The following SAA4 variants were observed in gnomAD, a reference collection of about 807,000 sequenced individuals.
SAA4 encodes serum amyloid A4, constitutive, also known as serum amyloid A-4 protein.
A neutral mutation model predicts 11.2 loss-of-function variants in SAA4; 8 were observed. That is an observed-to-expected ratio of 0.71 (90% confidence interval 0.42 to 1.29). The LOEUF (loss-of-function observed/expected upper bound fraction) is 1.29. Among genes scored for constraint, SAA4 ranks in the 50% most tolerant of loss-of-function variants. The probability of loss-of-function intolerance (pLI) is 0.01; values close to 1 mark genes in which losing one functional copy is unlikely to be tolerated. For missense variants in SAA4, 171 were observed against 164.2 expected, an observed-to-expected ratio of 1.04 and a Z score of -0.23; for synonymous variants, 60 against 56.2, an observed-to-expected ratio of 1.07 and a Z score of -0.30.
chr11:18,235,891 C>A lies in SAA4; in HGVS notation c.36G>T (p.Leu12Phe), dbSNP rs1564902245. 6.2e-7 allele frequency: 1 copy of A among 1,613,560 alleles called. No homozygotes were observed. The highest frequency in any genetic ancestry group is 8.5e-7 in the Non-Finnish European group (1 of 1,179,806). The change falls in exon 2 of 4, where the codon TTG becomes TTT. Residue 12 changes from leucine (L) to phenylalanine (F), a missense_variant. Coordinates refer to ENST00000278222, the MANE Select transcript of SAA4 (RefSeq NM_006512.4). ...AGCTTTCACTGGTGACTCCCATGAC[C>A]AAGGAGCAGAAAACAATGCCTGTGA... ...RLFTGIVFCS[L>F]VMGVTSESWR...
At chr11:18,234,607 GATAA>G (rs1253369891) in intron 2 of SAA4, among the ~76,000 whole-genome samples, 1 of 152,184 alleles carries the variant, frequency 6.6e-6, no homozygotes, top group African/African-American at 2.4e-5. Flanking sequence ...GAAAAGCTGT[GATAA>G]ATAGTTTTAA....
intron 3 of SAA4, 40 bp downstream of exon 3, chr11:18,232,355 C>T: frequency 6.2e-7 from 1 of 1,608,060 alleles, no homozygotes; most frequent in South Asian, 1.1e-5. Context: ...CAGATAGGCA[C>T]TGCTGGCCTC....
Position 18,235,894 on chromosome 11 carries a change from G to T in SAA4, c.33C>A (p.Ser11=). 5.6e-6 allele frequency: 9 copies of T among 1,613,458 alleles called. No homozygotes were observed. The highest frequency in any genetic ancestry group is 7.6e-6 in the Non-Finnish European group (9 of 1,179,732). The stretch of plus-strand genomic sequence containing the variant: ...TTTCACTGGTGACTCCCATGACCAA[G>T]GAGCAGAAAACAATGCCTGTGAAAA... The part of the protein sequence containing the change: MRLFTGIVFC[S]LVMGVTSESW... Residue 11 remains serine (S), a synonymous_variant, in exon 2 of 4, where the codon TCC becomes TCA. Coordinates refer to ENST00000278222, the MANE Select transcript of SAA4 (RefSeq NM_006512.4).
intron 2 of SAA4, among the ~76,000 whole-genome samples, chr11:18,233,600 C>T (rs1430300367): frequency 6.6e-6 from 1 of 152,030 alleles, no homozygotes; most frequent in Non-Finnish European, 1.5e-5. Flanking sequence ...CAGCCTTGAT[C>T]TCCTGGGCTC....
rs148647621 is a variant in SAA4, at chr11:18,232,870, G to A, written c.92-337C>T. ...AATTGAATTGGTTGGCAGTTGTCATGCCCTGGGCTACATCTTACATGGGTC... is the reference window on the plus strand; with the variant it reads ...AATTGAATTGGTTGGCAGTTGTCATACCCTGGGCTACATCTTACATGGGTC... On this transcript the variant is annotated intron_variant, in intron 2 of 3. Transcript: ENST00000278222. 8.2e-3 allele frequency among the ~76,000 whole-genome samples: 1,248 copies of A among 152,256 alleles called. 15 individuals carry two copies. Among genetic ancestry groups the A allele is most frequent in the African/African-American group, 0.028 (1,169 of 41,526 alleles).
In SAA4 at chr11:18,231,565, T is replaced by C; in HGVS notation, c.330A>G (p.Glu110=). The change falls in exon 4 of 4, where the codon GAA becomes GAG. Residue 110 remains glutamate, a synonymous_variant. Coordinates refer to ENST00000278222, the MANE Select transcript of SAA4 (RefSeq NM_006512.4). ...CGGGGTCTTTGCCACTCCGGCCCCA[T>C]TCCTCAGCTTTCTCGTTGGACTTCG... The part of the protein sequence containing the change: ...EDSKSNEKAE[E]WGRSGKDPDR... 2.5e-6 allele frequency: 4 copies of C among 1,614,168 alleles called. No homozygotes were observed. Among genetic ancestry groups the C allele is most frequent in the Middle Eastern group, 1.7e-4 (1 of 6,048 alleles).
intron 3 of SAA4, among the ~76,000 whole-genome samples, chr11:18,232,077 C>G (rs545653555): frequency 1.3e-5 from 2 of 152,010 alleles, no homozygotes; most frequent in East Asian, 3.9e-4. Flanking sequence ...AGATAAGAGT[C>G]TTGCTATGTT....
intron 2 of SAA4, among the ~76,000 whole-genome samples, chr11:18,232,893 G>A (rs1857157930): frequency 6.6e-6 from 1 of 152,198 alleles, no homozygotes; most frequent in Non-Finnish European, 1.5e-5. Context: ...TCTTACATGG[G>A]TCTGTGTGTA....
At position 18,234,196 on chromosome 11, in the gene SAA4, T is replaced by C. The variant is rs75731373; in HGVS notation, c.91+1640A>G. The stretch of plus-strand genomic sequence containing the variant: ...AGCCGGATACAAAAGACATATTCTG[T>C]ATGATTTCTTTTATTCAAAGATCAA... On this transcript the variant is annotated intron_variant, in intron 2 of 3. Transcript: ENST00000278222. Among the ~76,000 whole-genome samples, 1,263 of 152,306 alleles carry C rather than the reference T, an allele frequency of 8.3e-3. 16 individuals carry two copies. Among genetic ancestry groups the C allele is most frequent in the African/African-American group, 0.029 (1,186 of 41,562 alleles).
chr11:18,231,873 T>TC (rs1385378158), intron 3 of SAA4, among the ~76,000 whole-genome samples: 48 of 137,992 alleles, frequency 3.5e-4, no homozygotes, highest in African/African-American at 1.2e-3. Context: ...CAGAGTGCTT[T>TC]CCCTTTTTTT....
chr11:18,236,054 T>C, intron 1 of SAA4, 124 bp from the exon 2 acceptor site: 2 of 983,474 alleles, frequency 2.0e-6, no homozygotes, highest in South Asian at 3.6e-5. Flanking sequence ...CCTTCCTTTC[T>C]TTCTTTCCTC....
intron 3 of SAA4, among the ~76,000 whole-genome samples, chr11:18,232,068 G>GAT (rs969734983): frequency 2.0e-5 from 3 of 151,826 alleles, no homozygotes; most frequent in African/African-American, 7.3e-5. Context: ...TTTCTGTAGA[G>GAT]ATAAGAGTCT....
intron 1 of SAA4, 58 bp from the exon 2 acceptor site, chr11:18,235,988 T>TTTTTTTA: frequency 6.8e-7 from 1 of 1,466,326 alleles, no homozygotes; most frequent in Non-Finnish European, 9.2e-7. Context: ...GATCTATGTT[T>TTTTTTTA]TGAGGACTGA....
chr11:18,232,643 T>C, intron 2 of SAA4, 110 bp from the exon 3 acceptor site: 3 of 1,474,730 alleles, frequency 2.0e-6, no homozygotes, highest in South Asian at 2.7e-5. Flanking sequence ...AATAATCCTT[T>C]GAAATCATAC....
At position 18,232,474 on chromosome 11, in the gene SAA4, T is replaced by C. The variant is rs1385655492; in HGVS notation, c.151A>G (p.Asn51Asp). 2 of 1,614,154 alleles carry C rather than the reference T, an allele frequency of 1.2e-6. No individual in the cohort carries two copies. Among genetic ancestry groups the C allele is most frequent in the Non-Finnish European group, 1.7e-6 (2 of 1,180,024 alleles). Residue 51 changes from asparagine (N) to aspartate (D), a missense_variant, in exon 3 of 4, where the codon AAC becomes GAC. Physicochemically the swap from Asn to Asp is conservative, Grantham distance 23. Coordinates refer to ENST00000278222, the MANE Select transcript of SAA4 (RefSeq NM_006512.4). ...TTTCCCCGAGCATAGAGATATCTGT[T>C]TGAATTTTGGTGATTGGATATCATT... is the stretch of plus-strand genomic sequence containing the variant. ...DIMISNHQNS[N>D]RYLYARGNYD...
At chr11:18,231,991 C>T (rs1348083798) in intron 3 of SAA4, among the ~76,000 whole-genome samples, 1 of 151,220 alleles carries the variant, frequency 6.6e-6, no homozygotes, top group Non-Finnish European at 1.5e-5. Flanking sequence ...CAAGGGATCT[C>T]CCACTTCAGC....
chr11:18,232,787 G>A (rs1259370832), intron 2 of SAA4, among the ~76,000 whole-genome samples: 1 of 152,076 alleles, frequency 6.6e-6, no homozygotes, highest in Non-Finnish European at 1.5e-5. Context: ...GGGTCTGTGT[G>A]TGCTGTGTAC....
At chr11:18,233,179 G>A (rs1857162141) in intron 2 of SAA4, among the ~76,000 whole-genome samples, 2 of 152,154 alleles carry the variant, frequency 1.3e-5, no homozygotes, top group Non-Finnish European at 2.9e-5. Flanking sequence ...CATAGGACCT[G>A]GATAATCAGA....
At chr11:18,234,749 A>G (rs1466249407) in intron 2 of SAA4, among the ~76,000 whole-genome samples, 1 of 152,110 alleles carries the variant, frequency 6.6e-6, no homozygotes, top group South Asian at 2.1e-4. Context: ...TGCATGCTTT[A>G]TGTTCATTCT....
Sources: allele counts gnomAD v4.1 joint callset (sites outside exome capture counted in the v4.1 genomes callset), GRCh38; gene constraint gnomAD v4.1.1; transcripts MANE v1.5; gene names NCBI Gene and HGNC (gene_info 2026-07-23, HGNC 2026-07-21).